The following PLAT variants were observed in gnomAD, a reference collection of about 807,000 sequenced individuals.
PLAT encodes tissue-type plasminogen activator.
PLAT carries 48 observed loss-of-function variants against 74.9 expected under a neutral mutation model. The observed-to-expected ratio is 0.64, with a 90% CI of 0.51 to 0.82. PLAT has a LOEUF of 0.82. PLAT is among the 40% of genes least tolerant of loss of function. PLAT has a pLI of 0.00. For synonymous variants in PLAT, 307 were observed against 294.4 expected (o/e 1.04, Z -0.44); for missense variants, 673 against 736.2 (o/e 0.91, Z 0.99).
intron 1 of PLAT, among the ~76,000 whole-genome samples, chr8:42,201,326 A>G (rs1270188639): frequency 1.3e-5 from 2 of 152,184 alleles, no homozygotes; most frequent in African/African-American, 4.8e-5. Flanking sequence ...TTGTAAGGTA[A>G]CTGGAAAAGA....
intron 1 of PLAT, among the ~76,000 whole-genome samples, chr8:42,203,358 C>G (rs928342451): frequency 6.6e-6 from 1 of 152,204 alleles, no homozygotes; most frequent in Non-Finnish European, 1.5e-5. Flanking sequence ...GCTGCTGGGT[C>G]TTGGCCATTG....
At chr8:42,200,897 T>G (rs1478997300) in intron 1 of PLAT, among the ~76,000 whole-genome samples, 2 of 151,976 alleles carry the variant, frequency 1.3e-5, no homozygotes, top group African/African-American at 4.8e-5. Context: ...CGGTGCAATC[T>G]CAGCTCACTG....
At chr8:42,185,037 T>C (rs1414652235) in intron 7 of PLAT, 44 bp downstream of exon 7, 5 of 1,347,508 alleles carry the variant, frequency 3.7e-6, no homozygotes, top group Admixed American at 2.2e-5. Flanking sequence ...TGGACTTTCC[T>C]CCCCCAGGGA....
At chr8:42,187,834 C>T in intron 5 of PLAT, 72 bp downstream of exon 5, 1 of 1,124,360 alleles carries the variant, frequency 8.9e-7, no homozygotes, top group Non-Finnish European at 1.3e-6. Flanking sequence ...CGCACCCTGC[C>T]TTTCCTTCCG....
At position 42,187,560 on chromosome 8, in the gene PLAT, G is replaced by A. The variant is rs747219199; in HGVS notation, c.377C>T (p.Thr126Met). The change falls in exon 6 of 14, where the codon ACG (threonine) becomes ATG (methionine). Residue 126 changes from threonine to methionine, a missense_variant. By Grantham distance (81) the Thr-to-Met change is moderately conservative. Coordinates refer to ENST00000220809, the MANE Select transcript of PLAT (RefSeq NM_000930.5). ...GCTGATGCCCTGGTCCTCGTAGCAC[G>A]TGGCCCTGGTATCTGACAGAGAGCA... ...GKCCEIDTRA[T>M]CYEDQGISYR... 9 of 1,597,966 alleles carry A rather than the reference G, an allele frequency of 5.6e-6. No homozygotes were observed. The highest frequency in any genetic ancestry group is 4.5e-5 in the East Asian group (2 of 44,584).
At chr8:42,186,900 T>C (rs2129740885) in intron 6 of PLAT, 1 of 151,642 alleles carries the variant, frequency 6.6e-6, no homozygotes, top group East Asian at 1.9e-4. Context: ...ATCATCTATG[T>C]ATCATCTATT....
chr8:42,200,674 C>CAA (rs10667666), intron 1 of PLAT, among the ~76,000 whole-genome samples: 54,183 of 102,676 alleles, frequency 0.53, 14,267 homozygotes, highest in East Asian at 0.69. Flanking sequence ...GATCCTGTCT[C>CAA]AAAAAAAAAA....
intron 1 of PLAT, among the ~76,000 whole-genome samples, chr8:42,204,290 C>G (rs545575798): frequency 6.6e-6 from 1 of 151,924 alleles, no homozygotes; most frequent in South Asian, 2.1e-4. Flanking sequence ...CATTTTCTCC[C>G]GTATATACAA....
chr8:42,192,264 A>C (rs953299241), intron 2 of PLAT, among the ~76,000 whole-genome samples: 1 of 152,132 alleles, frequency 6.6e-6, no homozygotes, highest in Non-Finnish European at 1.5e-5. Context: ...TCGGCCTCCC[A>C]AAGTGCTGAG....
In PLAT at chr8:42,178,903, G is replaced by C; in HGVS notation, c.1524C>G (p.Ala508=). 6.2e-7 allele frequency: 1 copy of C among 1,613,140 alleles called. No homozygotes were observed. Among genetic ancestry groups the C allele is most frequent in the Non-Finnish European group, 8.5e-7 (1 of 1,179,904 alleles). The change falls in exon 13 of 14, where the codon GCC becomes GCG. Residue 508 remains alanine (A), a synonymous_variant. Coordinates refer to ENST00000220809, the MANE Select transcript of PLAT (RefSeq NM_000930.5). The part of the protein sequence containing the change: ...SGGPQANLHD[A]CQGDSGGPLV... ...GCGCGCCACTCCTGGTTACCTGGCA[G>C]GCGTCGTGCAAGTTTGCCTGGGGCC...
Position 42,180,287 on chromosome 8 carries a change from T to C in PLAT, c.1177A>G (p.Ile393Val), listed in dbSNP as rs755088165. 1.2e-6 allele frequency: 2 copies of C among 1,614,196 alleles called. No homozygotes were observed. Among genetic ancestry groups the C allele is most frequent in the Admixed American group, 1.7e-5 (1 of 60,030 alleles). Residue 393 changes from isoleucine to valine, a missense_variant, in exon 11 of 14, where the codon ATT (isoleucine) becomes GTT (valine). Physicochemically the swap from Ile to Val is conservative, Grantham distance 29. Coordinates refer to ENST00000220809, the MANE Select transcript of PLAT (RefSeq NM_000930.5). Reference protein sequence around the residue: ...EEQKFEVEKYIVHKEFDDDTY... With the variant: ...EEQKFEVEKYVVHKEFDDDTY... Reference sequence around the variant, plus strand: ...TCATCATCGAATTCCTTATGGACAATGTATTTTTCGACTTCAAATTTCTGC... The same window carrying C: ...TCATCATCGAATTCCTTATGGACAACGTATTTTTCGACTTCAAATTTCTGC...
At chr8:42,178,455 A>G (rs906794509) in intron 13 of PLAT, among the ~76,000 whole-genome samples, 7 of 152,008 alleles carry the variant, frequency 4.6e-5, no homozygotes, top group Admixed American at 6.5e-5. Flanking sequence ...TTTTTAGTAG[A>G]GATGGGGTTT....
At position 42,179,945 on chromosome 8, in the gene PLAT, G is replaced by A; in HGVS notation, c.1344C>T (p.Gly448=). ...ACTTACAGGCCTCATGCTTGCCGTA[G>A]CCGGAGAGCTCACACTCCGTCCAGT... ...LPDWTECELS[G]YGKHEALSPF... is the part of the protein sequence containing the mutation. The change falls in exon 12 of 14, where the codon GGC becomes GGT. Residue 448 remains glycine (G), a synonymous_variant. Transcript: ENST00000220809. 6.2e-7 allele frequency: 1 copy of A among 1,603,186 alleles called. No homozygotes were observed. Among genetic ancestry groups the A allele is most frequent in the Non-Finnish European group, 8.5e-7 (1 of 1,173,444 alleles).
intron 1 of PLAT, among the ~76,000 whole-genome samples, chr8:42,194,320 C>T (rs986388016): frequency 9.9e-5 from 15 of 151,388 alleles, no homozygotes; most frequent in Non-Finnish European, 1.9e-4. Flanking sequence ...AGGCTAGTCT[C>T]GAACTCCTGG....
At chr8:42,199,232 A>G (rs1806035846) in intron 1 of PLAT, among the ~76,000 whole-genome samples, 1 of 152,322 alleles carries the variant, frequency 6.6e-6, no homozygotes, top group East Asian at 1.9e-4. Flanking sequence ...CTCTTAACAG[A>G]ACTGTTTATA....
Position 42,185,103 on chromosome 8 carries a change from G to A in PLAT, c.609C>T (p.Cys203=). Residue 203 remains cysteine, a synonymous_variant, in exon 7 of 14, where the codon TGC becomes TGT. Transcript: ENST00000220809. ...TACCCTCAGAGCAGGCAGGGGTGCT[G>A]CAGAACTCTGAGCTGTACTTCCCCG... ...FKAGKYSSEF[C]STPACSEGNS... 6.2e-7 allele frequency: 1 copy of A among 1,610,508 alleles called. No homozygotes were observed.
rs904964877 is a variant in PLAT at position 42,174,858 on chromosome 8, A to G, written c.*1135T>C. Reference sequence around the variant, plus strand: ...GTACTCCCCTCTCTTGGCCCTCTACATATTCATACCTCCATGGAGAGTGCC... The same window carrying G: ...GTACTCCCCTCTCTTGGCCCTCTACGTATTCATACCTCCATGGAGAGTGCC... On this transcript the variant is annotated 3_prime_UTR_variant, in exon 14 of 14. Coordinates refer to ENST00000220809, the MANE Select transcript of PLAT (RefSeq NM_000930.5). Among the ~76,000 whole-genome samples the G allele has an allele frequency of 6.6e-6, 1 of 152,054 alleles. No individual in the cohort carries two copies. Among genetic ancestry groups the G allele is most frequent in the Non-Finnish European group, 1.5e-5 (1 of 68,024 alleles).
chr8:42,192,220 T>C (rs1805716112), intron 2 of PLAT, among the ~76,000 whole-genome samples: 1 of 151,966 alleles, frequency 6.6e-6, no homozygotes, highest in African/African-American at 2.4e-5. Context: ...CCCAGACTGG[T>C]CTCCAACTCC....
At chr8:42,196,074 C>T (rs942193080) in intron 1 of PLAT, among the ~76,000 whole-genome samples, 2 of 152,090 alleles carry the variant, frequency 1.3e-5, no homozygotes, top group Non-Finnish European at 2.9e-5. Context: ...TCCCAGATGC[C>T]GGGAAACTGC....
Sources: gnomAD v4.1 joint callset for allele counts (sites outside exome capture counted in the v4.1 genomes callset) on GRCh38, gnomAD v4.1.1 for gene constraint, MANE v1.5 for transcripts, NCBI Gene and HGNC (gene_info 2026-07-23, HGNC 2026-07-21) for gene names.